CFAP100: variants seen among roughly 807,000 people sequenced by gnomAD.
The protein encoded by CFAP100 is cilia and flagella associated protein 100.
Under a neutral mutation model 81.5 loss-of-function variants are expected in CFAP100, and 70 were observed. The ratio of observed to expected loss-of-function variants is 0.86; its 90% confidence interval spans 0.71 to 1.05. The LOEUF (loss-of-function observed/expected upper bound fraction) is 1.05. Ranked by LOEUF, CFAP100 falls within the 50% of genes least tolerant of loss-of-function variation. The pLI, the probability that CFAP100 is intolerant of heterozygous loss-of-function variation, is 0.00. For synonymous variants in CFAP100, 341 were observed against 314.8 expected, an observed-to-expected ratio of 1.08 and a Z score of -0.88; for missense variants, 811 against 776.5, an observed-to-expected ratio of 1.04 and a Z score of -0.53.
intron 9 of CFAP100, 22 bp downstream of exon 9, chr3:126,419,840 G>T: frequency 6.2e-7 from 1 of 1,612,218 alleles, no homozygotes; most frequent in Non-Finnish European, 8.5e-7. Context: ...GAGAATGTGG[G>T]TTCCCAGGTG....
chr3:126,436,393 T>G lies in CFAP100; in HGVS notation c.1825T>G (p.Phe609Val). ...MDKEEEELLFFFT is the reference protein window; with the variant it reads ...MDKEEEELLFVFT ...CAAGGAGGAGGAGGAGCTGCTATTT[T>G]TCTTTACTTAATCTTCGCAGACCAT... Residue 609 changes from phenylalanine to valine, a missense_variant, in exon 17 of 17, where the codon TTC becomes GTC. Transcript: ENST00000352312. 2 of 1,613,516 alleles carry G rather than the reference T, an allele frequency of 1.2e-6. No homozygotes were observed. The highest frequency in any genetic ancestry group is 1.7e-6 in the Non-Finnish European group (2 of 1,179,500).
Position 126,433,126 on chromosome 3 carries a change from C to T in CFAP100, c.1344C>T (p.Thr448=). 6.2e-7 allele frequency: 1 copy of T among 1,614,226 alleles called. No homozygotes were observed. The highest frequency in any genetic ancestry group is 8.5e-7 in the Non-Finnish European group (1 of 1,180,038). Residue 448 remains threonine (T), a synonymous_variant, in exon 14 of 17, where the codon ACC becomes ACT. Transcript: ENST00000352312. The part of the protein sequence containing the change: ...QWVTTMMMSI[T]KEEDTAAELE... ...TCACCACAATGATGATGTCCATCAC[C>T]AAGGAGGAGGACACAGCAGCTGAGC...
At chr3:126,424,096 G>A (rs1185681733) in intron 13 of CFAP100, among the ~76,000 whole-genome samples, 1 of 152,264 alleles carries the variant, frequency 6.6e-6, no homozygotes, top group African/African-American at 2.4e-5. Context: ...CCACTGAGCG[G>A]GTGTTCGCGG....
At chr3:126,400,029 G>T (rs111321781) in intron 2 of CFAP100, among the ~76,000 whole-genome samples, 1 of 152,186 alleles carries the variant, frequency 6.6e-6, no homozygotes, top group East Asian at 1.9e-4. Flanking sequence ...CAACCTCCCG[G>T]CTCTGTTGGT....
chr3:126,428,873 G>A (rs911701936), intron 13 of CFAP100, among the ~76,000 whole-genome samples: 17 of 152,018 alleles, frequency 1.1e-4, no homozygotes, highest in African/African-American at 3.6e-4. Flanking sequence ...TTGGGAGGCC[G>A]AGGTAGGTGG....
chr3:126,406,911 A>G (rs1233403898), intron 2 of CFAP100, among the ~76,000 whole-genome samples: 1 of 152,238 alleles, frequency 6.6e-6, no homozygotes, highest in African/African-American at 2.4e-5. Context: ...AACACACTGA[A>G]GGATGGGAAA....
At chr3:126,397,522 T>C (rs1257124664) in intron 2 of CFAP100, among the ~76,000 whole-genome samples, 1 of 152,220 alleles carries the variant, frequency 6.6e-6, no homozygotes, top group Non-Finnish European at 1.5e-5. Context: ...TATATTGATT[T>C]GTTTATTGGT....
At position 126,418,528 on chromosome 3, in the gene CFAP100, A is replaced by C; in HGVS notation, c.486+3A>C. On this transcript the variant is annotated splice_donor_region_variant and intron_variant, in intron 6 of 16. Transcript: ENST00000352312. ...AGCGGCAAATGTTCCTCCTCCAGGT[A>C]GGTCCCGTGGCCCCCAGAGCGATGG... The C allele has an allele frequency of 6.2e-7, 1 of 1,614,104 alleles. No homozygotes were observed. Among genetic ancestry groups the C allele is most frequent in the Non-Finnish European group, 8.5e-7 (1 of 1,180,002 alleles).
In CFAP100 at chr3:126,436,381, G is replaced by A; in HGVS notation, c.1813G>A (p.Glu605Lys). The change falls in exon 17 of 17, where the codon GAG becomes AAG. Residue 605 changes from glutamate (E) to lysine (K), a missense_variant. By Grantham distance (56) the Glu-to-Lys change is moderately conservative. Coordinates refer to ENST00000352312, the MANE Select transcript of CFAP100 (RefSeq NM_182628.3). ...EHTLMDKEEEELLFFFT is the reference protein window; with the variant it reads ...EHTLMDKEEEKLLFFFT ...CACACTGATGGACAAGGAGGAGGAG[G>A]AGCTGCTATTTTTCTTTACTTAATC... 1 of 1,613,886 alleles carries A rather than the reference G, an allele frequency of 6.2e-7. No individual in the cohort carries two copies. Among genetic ancestry groups the A allele is most frequent in the Non-Finnish European group, 8.5e-7 (1 of 1,179,758 alleles).
At chr3:126,400,962 C>T (rs2082969487) in intron 2 of CFAP100, among the ~76,000 whole-genome samples, 1 of 152,210 alleles carries the variant, frequency 6.6e-6, no homozygotes, top group Admixed American at 6.5e-5. Context: ...GGAACAGATA[C>T]AGAACATGTG....
intron 5 of CFAP100, chr3:126,416,828 C>A (rs575795545): frequency 1.1e-4 from 27 of 252,810 alleles, no homozygotes; most frequent in South Asian, 1.7e-4. Flanking sequence ...AGAAAGAGAC[C>A]CTTTGCCTAA....
At chr3:126,419,179 C>A in intron 8 of CFAP100, 23 bp downstream of exon 8, 1 of 1,486,660 alleles carries the variant, frequency 6.7e-7, no homozygotes, top group Non-Finnish European at 9.1e-7. Flanking sequence ...GGCATGCTGG[C>A]CATTGGCTGG....
intron 13 of CFAP100, among the ~76,000 whole-genome samples, chr3:126,430,801 T>C (rs1933188275): frequency 6.6e-6 from 1 of 152,072 alleles, no homozygotes. Flanking sequence ...TTGTTGACCT[T>C]ATATTGTTTT....
chr3:126,418,930 G>A (rs1309470992), intron 7 of CFAP100, 146 bp from the exon 8 acceptor site: 35 of 1,051,422 alleles, frequency 3.3e-5, no homozygotes, highest in Non-Finnish European at 4.8e-5. Context: ...GGACACTACG[G>A]GCAAAAGGCT....
chr3:126,435,502 G>T, intron 15 of CFAP100, 57 bp from the exon 16 acceptor site: 1 of 1,475,588 alleles, frequency 6.8e-7, no homozygotes, highest in South Asian at 1.2e-5. Context: ...TCCGTGTGGA[G>T]ATTACACAAC....
intron 4 of CFAP100, among the ~76,000 whole-genome samples, chr3:126,415,778 T>G (rs1576630403): frequency 6.6e-6 from 1 of 151,412 alleles, no homozygotes; most frequent in African/African-American, 2.4e-5. Flanking sequence ...TGTGGGGAGG[T>G]GAGTCCTGCC....
intron 5 of CFAP100, among the ~76,000 whole-genome samples, chr3:126,417,666 G>T (rs979187172): frequency 1.3e-5 from 2 of 152,228 alleles, no homozygotes; most frequent in African/African-American, 2.4e-5. Context: ...AGAGGAGCTG[G>T]GTCTCCTGCA....
chr3:126,436,390 T>C lies in CFAP100; in HGVS notation c.1822T>C (p.Phe608Leu). The C allele has an allele frequency of 6.2e-7, 1 of 1,613,546 alleles. No homozygotes were observed. The highest frequency in any genetic ancestry group is 8.5e-7 in the Non-Finnish European group (1 of 1,179,538). ...LMDKEEEELL[F>L]FFT is the part of the protein sequence containing the mutation. ...GGACAAGGAGGAGGAGGAGCTGCTA[T>C]TTTTCTTTACTTAATCTTCGCAGAC... The change falls in exon 17 of 17, where the codon TTT (phenylalanine) becomes CTT (leucine). Residue 608 changes from phenylalanine to leucine, a missense_variant. By Grantham distance (22) the Phe-to-Leu change is conservative. Transcript: ENST00000352312.
At chr3:126,401,400 TATA>T (rs1560061164) in intron 2 of CFAP100, among the ~76,000 whole-genome samples, 867 of 40,948 alleles carry the variant, frequency 0.021, 16 homozygotes, top group African/African-American at 0.034. Context: ...TCGTATTTTA[TATA>T]TATATATATA....
Sources: gnomAD v4.1 joint callset for allele counts (sites outside exome capture counted in the v4.1 genomes callset) on GRCh38, gnomAD v4.1.1 for gene constraint, MANE v1.5 for transcripts, NCBI Gene and HGNC (gene_info 2026-07-23, HGNC 2026-07-21) for gene names.